Variants in GRAMD4 observed in about 807,000 individuals in gnomAD.
GRAMD4 encodes GRAM domain-containing protein 4.
In GRAMD4, 25 loss-of-function variants were observed where a neutral mutation model predicts 83.9. That is an observed-to-expected ratio of 0.30 (90% CI 0.22 to 0.42). The LOEUF is 0.42. Among genes scored for constraint, GRAMD4 ranks in the 10% least tolerant of loss-of-function variants. GRAMD4 has a pLI of 1.00. For synonymous variants in GRAMD4, 336 were observed against 320.9 expected (o/e 1.05, Z -0.50); for missense variants, 593 against 788.7 (o/e 0.75, Z 2.97).
rs564225360 is a variant in GRAMD4 at position 46,588,986 on chromosome 22, G to A, written c.-50+11696G>A. On this transcript the variant is annotated intron_variant, in intron 1 of 1. Transcript: ENST00000431155. The stretch of plus-strand genomic sequence containing the variant: ...CATTTGAGATGTCCTGTGCTGGCCC[G>A]TGGCAGTGCAACCACAGCTCGTAAC... 4.7e-4 allele frequency among the ~76,000 whole-genome samples: 71 copies of A among 152,292 alleles called. 1 individual carries two copies. The highest frequency in any genetic ancestry group is 3.5e-3 in the Admixed American group (53 of 15,308).
At chr22:46,588,681 G>A (rs372319973) in intron 1 of GRAMD4, among the ~76,000 whole-genome samples, 4 of 152,186 alleles carry the variant, frequency 2.6e-5, no homozygotes, top group South Asian at 4.1e-4. Context: ...CCTTTCGTCC[G>A]TCCTCCTTCC....
intron 1 of GRAMD4, among the ~76,000 whole-genome samples, chr22:46,613,796 G>A (rs1209900906): frequency 6.6e-6 from 1 of 152,224 alleles, no homozygotes; most frequent in African/African-American, 2.4e-5. Flanking sequence ...CGGGCTGCCC[G>A]GCTTGCTGCT....
At chr22:46,612,829 C>A (rs922614465) in intron 1 of GRAMD4, among the ~76,000 whole-genome samples, 21 of 152,222 alleles carry the variant, frequency 1.4e-4, no homozygotes, top group African/African-American at 5.1e-4. Context: ...AAGGCTGCTG[C>A]GCCTTCCCTG....
intron 1 of GRAMD4, among the ~76,000 whole-genome samples, chr22:46,587,525 G>T (rs1190886771): frequency 6.6e-6 from 1 of 151,804 alleles, no homozygotes; most frequent in African/African-American, 2.4e-5. Context: ...TAGGGGGATA[G>T]TCAGGGTCTG....
At position 46,635,601 on chromosome 22, in the gene GRAMD4, T is replaced by C. The variant is rs62635795; in HGVS notation, c.163-2239T>C. On this transcript the variant is annotated intron_variant, in intron 2 of 18. Coordinates refer to ENST00000406902, the MANE Select transcript of GRAMD4 (RefSeq NM_015124.5). Reference sequence around the variant, plus strand: ...CACTCCTGTCCTGGGAGGCCGTGTCTTCCCTGCCCCGCCCCCGGCCACTCC... The same window carrying C: ...CACTCCTGTCCTGGGAGGCCGTGTCCTCCCTGCCCCGCCCCCGGCCACTCC... Among the ~76,000 whole-genome samples, 389 of 36,782 alleles carry C rather than the reference T, an allele frequency of 0.011. 50 individuals carry two copies. In the East Asian group the frequency reaches 0.26, roughly 25 times the overall value. The allele number at this position is 36,782 out of a possible 152,430, so 24.1% of individuals were successfully genotyped here.
intron 1 of GRAMD4, among the ~76,000 whole-genome samples, chr22:46,603,500 C>T (rs1449081272): frequency 4.4e-4 from 59 of 133,330 alleles, no homozygotes; most frequent in African/African-American, 1.5e-3. Context: ...TGAGCCACCG[C>T]GCCCGGCCTC....
chr22:46,635,908 C>G lies in GRAMD4; in HGVS notation c.163-1932C>G, dbSNP rs1016337117. ...AGAAGAGGACTGGAGAGAAACAGCC[C>G]AGGGCAGTGCAGGGGTCCAGCTGCA... On this transcript the variant is annotated intron_variant, in intron 2 of 18. Coordinates refer to ENST00000406902, the MANE Select transcript of GRAMD4 (RefSeq NM_015124.5). Among the ~76,000 whole-genome samples, 21 of 152,244 alleles carry G rather than the reference C, an allele frequency of 1.4e-4. 1 individual carries two copies. The East Asian group carries it at 4.1e-3, about 29-fold the overall frequency.
intron 8 of GRAMD4, among the ~76,000 whole-genome samples, chr22:46,665,046 C>T (rs1376866863): frequency 1.3e-5 from 2 of 152,258 alleles, no homozygotes; most frequent in African/African-American, 4.8e-5. Context: ...CTCACAAATG[C>T]TTTGCGACAG....
intron 1 of GRAMD4, among the ~76,000 whole-genome samples, chr22:46,577,494 C>T (rs1228574866): frequency 6.6e-6 from 1 of 150,750 alleles, no homozygotes; most frequent in Non-Finnish European, 1.5e-5. Flanking sequence ...CCGCGCGTCA[C>T]GGCTGCTCCC....
Position 46,583,951 on chromosome 22 carries a change from C to G in GRAMD4, c.-50+6661C>G, listed in dbSNP as rs2081122446. 2.0e-5 allele frequency among the ~76,000 whole-genome samples: 3 copies of G among 152,226 alleles called. No homozygotes were observed. In the South Asian group the frequency reaches 6.2e-4, roughly 31 times the overall value. ...GTGTCACTGATGTGGCCTTCTTCTT[C>G]AGGGGGGTCTGTCTCTTCTCCCCAT... On this transcript the variant is annotated intron_variant, in intron 1 of 1. Transcript: ENST00000431155.
chr22:46,620,880 G>A lies in GRAMD4; in HGVS notation c.-50+315G>A, dbSNP rs1472574736. On this transcript the variant is annotated intron_variant, in intron 1 of 18. Coordinates refer to ENST00000406902, the MANE Select transcript of GRAMD4 (RefSeq NM_015124.5). The surrounding 1 kb of genome is among the most constrained non-coding windows in gnomAD (Gnocchi z 4.7). ...GAAGCCCCTCAGAACCTGACAGGAC[G>A]AGAGGAAGGGAGGCCGATCTGAGAG... Among the ~76,000 whole-genome samples, 1 of 152,160 alleles carries A rather than the reference G, an allele frequency of 6.6e-6. No homozygotes were observed. The highest frequency in any genetic ancestry group is 1.5e-5 in the Non-Finnish European group (1 of 68,020).
In GRAMD4 at chr22:46,607,269, A is replaced by G. The variant is rs2147076424; in HGVS notation, c.-49-19482A>G. Among the ~76,000 whole-genome samples the G allele has an allele frequency of 2.0e-5, 3 of 152,310 alleles. 1 individual carries two copies. In the Middle Eastern group the frequency reaches 0.01, roughly 518 times the overall value. On this transcript the variant is annotated intron_variant, in intron 1 of 1. Coordinates refer to the GRAMD4 transcript ENST00000431155. ...AAATGACGAGTTGATGGGTGCAGCA[A>G]ACCAACATGGCACGTGCATACCTAT...
chr22:46,596,732 G>A (rs1453688402), intron 1 of GRAMD4, among the ~76,000 whole-genome samples: 1 of 152,122 alleles, frequency 6.6e-6, no homozygotes, highest in Non-Finnish European at 1.5e-5. Context: ...TGTATTTTTA[G>A]TAGAGACAGG....
intron 3 of GRAMD4, among the ~76,000 whole-genome samples, chr22:46,646,880 G>A (rs1343642035): frequency 3.9e-5 from 6 of 152,206 alleles, no homozygotes; most frequent in Non-Finnish European, 7.3e-5. Context: ...AAGGCAAGGA[G>A]GAGCAAGTCA....
At chr22:46,662,000 T>C (rs577484746) in intron 5 of GRAMD4, among the ~76,000 whole-genome samples, 1 of 152,352 alleles carries the variant, frequency 6.6e-6, no homozygotes, top group Admixed American at 6.5e-5. Context: ...CCCGCCTGGC[T>C]TCACAGATTT....
chr22:46,608,674 C>T (rs529784684), intron 1 of GRAMD4, among the ~76,000 whole-genome samples: 1 of 152,092 alleles, frequency 6.6e-6, no homozygotes, highest in East Asian at 1.9e-4. Context: ...AGCGAAATTC[C>T]GTATCAAAAT....
At chr22:46,608,392 T>C (rs1232873116) in intron 1 of GRAMD4, among the ~76,000 whole-genome samples, 2 of 152,138 alleles carry the variant, frequency 1.3e-5, no homozygotes, top group African/African-American at 4.8e-5. Flanking sequence ...TGAAATAGTA[T>C]TTTGGGCCGG....
At chr22:46,627,626 G>A (rs1287167119) in intron 2 of GRAMD4, among the ~76,000 whole-genome samples, 6 of 152,218 alleles carry the variant, frequency 3.9e-5, no homozygotes, top group African/African-American at 1.4e-4. Context: ...GCCCAGCATG[G>A]CCTCTAGCTC....
intron 1 of GRAMD4, among the ~76,000 whole-genome samples, chr22:46,580,342 G>A (rs187536213): frequency 6.6e-4 from 101 of 152,326 alleles, no homozygotes; most frequent in Non-Finnish European, 2.2e-4. Context: ...GCTGGCTTGG[G>A]GTCTCTTTGG....
Sources: allele counts gnomAD v4.1 joint callset (sites outside exome capture counted in the v4.1 genomes callset), GRCh38; gene constraint gnomAD v4.1.1; non-coding constraint Gnocchi (gnomAD v3.1); transcripts MANE v1.5; gene names NCBI Gene and HGNC (gene_info 2026-07-23, HGNC 2026-07-21).